The following CCDC83 variants were observed in gnomAD, a reference collection of about 807,000 sequenced individuals.
The protein encoded by CCDC83 is coiled-coil domain containing 83.
In CCDC83, 54 loss-of-function variants were observed where a neutral mutation model predicts 50.1. That is an observed-to-expected ratio of 1.08 (90% CI 0.87 to 1.35). CCDC83 has a LOEUF of 1.35. CCDC83 is among the 40% of genes most tolerant of loss of function. The probability of loss-of-function intolerance (pLI) is 0.00; values close to 1 mark genes in which losing one functional copy is unlikely to be tolerated. For missense variants in CCDC83, 518 were observed against 473.9 expected, an observed-to-expected ratio of 1.09 and a Z score of -0.86; for synonymous variants, 161 against 153.3, an observed-to-expected ratio of 1.05 and a Z score of -0.37.
chr11:85,863,939 T>C (rs1031205041), intron 1 of CCDC83, among the ~76,000 whole-genome samples: 5 of 152,248 alleles, frequency 3.3e-5, no homozygotes, highest in Non-Finnish European at 7.3e-5. Flanking sequence ...GCTAGGTGCT[T>C]TAAATATTAG....
intron 7 of CCDC83, among the ~76,000 whole-genome samples, chr11:85,902,429 G>A (rs2093406497): frequency 6.6e-6 from 1 of 152,158 alleles, no homozygotes; most frequent in South Asian, 2.1e-4. Flanking sequence ...ACAGGAAACA[G>A]TATACTTCCC....
At chr11:85,865,744 C>T (rs777216364) in intron 2 of CCDC83, among the ~76,000 whole-genome samples, 10 of 152,068 alleles carry the variant, frequency 6.6e-5, no homozygotes, top group Admixed American at 1.3e-4. Context: ...AAAAATTAGT[C>T]GGGCATGGTG....
intron 8 of CCDC83, chr11:85,912,820 A>G: frequency 1.1e-6 from 1 of 875,074 alleles, no homozygotes; most frequent in South Asian, 1.3e-5. Context: ...TTTAGGAAAG[A>G]GATACCCTCT....
intron 7 of CCDC83, among the ~76,000 whole-genome samples, chr11:85,909,209 A>T (rs972812196): frequency 1.3e-5 from 2 of 152,188 alleles, no homozygotes; most frequent in Non-Finnish European, 2.9e-5. Flanking sequence ...ATGCTTTAAG[A>T]TTCCTAAATA....
At chr11:85,864,544 G>A (rs973251130) in intron 1 of CCDC83, among the ~76,000 whole-genome samples, 3 of 151,920 alleles carry the variant, frequency 2.0e-5, no homozygotes, top group Non-Finnish European at 2.9e-5. Context: ...ATTATTATTC[G>A]CATGTGTAAA....
intron 1 of CCDC83, among the ~76,000 whole-genome samples, chr11:85,863,002 C>T (rs957882365): frequency 2.6e-5 from 4 of 152,108 alleles, no homozygotes; most frequent in African/African-American, 7.2e-5. Flanking sequence ...AGTAATTATA[C>T]ATTAGTCAGA....
At chr11:85,887,352 TC>T (rs1258915302) in intron 5 of CCDC83, among the ~76,000 whole-genome samples, 1 of 152,198 alleles carries the variant, frequency 6.6e-6, no homozygotes, top group Non-Finnish European at 1.5e-5. Context: ...TGGACAACAG[TC>T]CAGGACTCAG....
Position 85,879,624 on chromosome 11 carries a change from A to ATT in CCDC83, c.181-2877_181-2876dup, listed in dbSNP as rs35944027. Among the ~76,000 whole-genome samples the ATT allele has an allele frequency of 3.3e-3, 491 of 147,900 alleles. 2 individuals carry two copies. Among genetic ancestry groups the ATT allele is most frequent in the African/African-American group, 0.011 (457 of 40,530 alleles). On this transcript the variant is annotated intron_variant, in intron 3 of 10. Transcript: ENST00000342404. ...ATAAGGATAAGTTTGAGGATTAACA[A>ATT]TTTTTTTTTTTTTGAGATAGAATTT...
chr11:85,896,134 A>G (rs1431986588), intron 6 of CCDC83, among the ~76,000 whole-genome samples: 1 of 152,194 alleles, frequency 6.6e-6, no homozygotes, highest in Non-Finnish European at 1.5e-5. Flanking sequence ...TCCAAAATCC[A>G]AAGAAGTCTG....
intron 1 of CCDC83, among the ~76,000 whole-genome samples, chr11:85,864,651 TTA>T (rs2093196643): frequency 6.6e-6 from 1 of 152,240 alleles, no homozygotes; most frequent in African/African-American, 2.4e-5. Context: ...ATTCTAATTC[TTA>T]AGTCTTTTGG....
rs1397091647 is a variant in CCDC83, at chr11:85,888,240, C to T, written c.511+1873C>T. 9.9e-5 allele frequency among the ~76,000 whole-genome samples: 15 copies of T among 152,160 alleles called. 1 individual carries two copies. The highest frequency in any genetic ancestry group is 9.8e-4 in the Admixed American group (15 of 15,266). ...AATGTGGCCCTCCATAAAGGTTGTA[C>T]CAAGTGGTACTTCTAACAGTATGCA... is the stretch of plus-strand genomic sequence containing the variant. On this transcript the variant is annotated intron_variant, in intron 5 of 10. Coordinates refer to ENST00000342404, the MANE Select transcript of CCDC83 (RefSeq NM_001286159.2).
At chr11:85,865,743 T>G (rs979883041) in intron 2 of CCDC83, among the ~76,000 whole-genome samples, 2 of 151,548 alleles carry the variant, frequency 1.3e-5, no homozygotes, top group Admixed American at 6.6e-5. Flanking sequence ...CAAAAATTAG[T>G]CGGGCATGGT....
At chr11:85,867,774 A>G (rs909899521) in intron 2 of CCDC83, among the ~76,000 whole-genome samples, 8 of 152,346 alleles carry the variant, frequency 5.3e-5, no homozygotes, top group African/African-American at 1.9e-4. Flanking sequence ...AAGGTTTACA[A>G]AAAGGCAAAC....
At chr11:85,898,556 A>C (rs1310578131) in intron 6 of CCDC83, among the ~76,000 whole-genome samples, 1 of 152,248 alleles carries the variant, frequency 6.6e-6, no homozygotes, top group Non-Finnish European at 1.5e-5. Flanking sequence ...CAAATTAAAA[A>C]GATAGTAATC....
Position 85,886,304 on chromosome 11 carries a change from A to C in CCDC83, c.448A>C (p.Lys150Gln). 1 of 1,610,526 alleles carries C rather than the reference A, an allele frequency of 6.2e-7. No individual in the cohort carries two copies. The highest frequency in any genetic ancestry group is 8.5e-7 in the Non-Finnish European group (1 of 1,178,782). The change falls in exon 5 of 11, where the codon AAA becomes CAA. Residue 150 changes from lysine to glutamine, a missense_variant. By Grantham distance (53) the Lys-to-Gln change is moderately conservative. Transcript: ENST00000342404. Reference protein sequence around the residue: ...YKNVGSERHAKLITSLQNDIN... With the variant: ...YKNVGSERHAQLITSLQNDIN... ...GAATGTAGGGAGTGAACGACATGCT[A>C]AACTCATTACCTCCTTACAAAATGA...
intron 5 of CCDC83, among the ~76,000 whole-genome samples, chr11:85,890,242 A>G (rs561433746): frequency 6.6e-6 from 1 of 152,338 alleles, no homozygotes; most frequent in African/African-American, 2.4e-5. Flanking sequence ...CACTGACAGC[A>G]GAACACAGAA....
intron 1 of CCDC83, among the ~76,000 whole-genome samples, chr11:85,862,200 C>A (rs184388235): frequency 6.6e-6 from 1 of 152,098 alleles, no homozygotes; most frequent in African/African-American, 2.4e-5. Flanking sequence ...TGGCTTTTCA[C>A]TGAGAGGCGT....
At chr11:85,867,461 G>A (rs78113467) in intron 2 of CCDC83, among the ~76,000 whole-genome samples, 1,904 of 152,252 alleles carry the variant, frequency 0.013, 33 homozygotes, top group African/African-American at 0.041. Context: ...CAATATATTC[G>A]TATGAACTTT....
chr11:85,916,252 CAACTTT>C lies in CCDC83; in HGVS notation c.1080+20_1080+25del. The C allele has an allele frequency of 6.7e-7, 1 of 1,503,400 alleles. No homozygotes were observed. The highest frequency in any genetic ancestry group is 9.2e-7 in the Non-Finnish European group (1 of 1,088,862). 93.1% of individuals were successfully genotyped at this position (1,503,400 alleles called of 1,614,324 possible). A position where few individuals can be genotyped will look rare whatever the true frequency, so the allele number is the denominator to read the frequency against. ...TTTCAAGGTAAGATTCATAACAACA[CAACTTT>C]GACTACTAAGAAAATGCTGTTTTGA... On this transcript the variant is annotated intron_variant, in intron 10 of 10. Coordinates refer to ENST00000342404, the MANE Select transcript of CCDC83 (RefSeq NM_001286159.2).
Sources: allele counts gnomAD v4.1 joint callset (sites outside exome capture counted in the v4.1 genomes callset), GRCh38; gene constraint gnomAD v4.1.1; transcripts MANE v1.5; gene names NCBI Gene and HGNC (gene_info 2026-07-23, HGNC 2026-07-21).